The following RAB21 variants were observed in gnomAD, a reference collection of about 807,000 sequenced individuals.
RAB21 encodes RAB21, member RAS oncogene family, also known as ras-related protein Rab-21.
Under a neutral mutation model 33.1 loss-of-function variants are expected in RAB21, and 13 were observed. The observed-to-expected ratio is 0.39, with a 90% CI of 0.26 to 0.62. The LOEUF (loss-of-function observed/expected upper bound fraction) is 0.62, where lower values mean the gene tolerates loss of function less well. Among genes scored for constraint, RAB21 ranks in the 20% least tolerant of loss-of-function variants. RAB21 has a pLI of 0.48. For missense variants in RAB21, 234 were observed against 279.1 expected, an observed-to-expected ratio of 0.84 and a Z score of 1.15; for synonymous variants, 91 against 103.7, an observed-to-expected ratio of 0.88 and a Z score of 0.74.
chr12:71,770,216 G>A (rs989059067), intron 2 of RAB21, among the ~76,000 whole-genome samples: 2 of 152,048 alleles, frequency 1.3e-5, no homozygotes, highest in African/African-American at 4.8e-5. Flanking sequence ...CTTGATGCAC[G>A]TGCCATTTCC....
intron 3 of RAB21, 127 bp downstream of exon 3, chr12:71,770,826 C>T (rs1883032115): frequency 1.6e-6 from 1 of 606,800 alleles, no homozygotes; most frequent in Admixed American, 3.5e-5. Flanking sequence ...TTGTGCATAA[C>T]TGGTGACCAC....
chr12:71,778,110 A>G (rs1883147457), intron 4 of RAB21, among the ~76,000 whole-genome samples: 1 of 152,226 alleles, frequency 6.6e-6, no homozygotes, highest in Non-Finnish European at 1.5e-5. Context: ...ACAGTCTACT[A>G]GCATTTTCAT....
In RAB21 at chr12:71,790,202, A is replaced by G. The variant is rs1883360022; in HGVS notation, c.*4529A>G. ...CATCTTTCTTTAGAAGTCTGCACAT[A>G]TTTTCAAATGCATCATATTAAAGGC... On this transcript the variant is annotated 3_prime_UTR_variant, in exon 7 of 7. Coordinates refer to ENST00000261263, the MANE Select transcript of RAB21 (RefSeq NM_014999.4). 1 of 152,150 alleles carries G rather than the reference A, an allele frequency of 6.6e-6. No individual in the cohort carries two copies. Among genetic ancestry groups the G allele is most frequent in the African/African-American group, 2.4e-5 (1 of 41,432 alleles). 9.4% of individuals were successfully genotyped at this position (152,150 alleles called of 1,614,324 possible). A position where few individuals can be genotyped will look rare whatever the true frequency, so the allele number is the denominator to read the frequency against.
In RAB21 at chr12:71,799,530, A is replaced by G. The variant is rs1883510402; in HGVS notation, c.*13857A>G. 1 of 152,224 alleles carries G rather than the reference A, an allele frequency of 6.6e-6. No individual in the cohort carries two copies. Among genetic ancestry groups the G allele is most frequent in the Middle Eastern group, 3.2e-3 (1 of 316 alleles). The allele number at this position is 152,224 out of a possible 1,614,324, so 9.4% of individuals were successfully genotyped here. A position where few individuals can be genotyped will look rare whatever the true frequency, so the allele number is the denominator to read the frequency against. On this transcript the variant is annotated 3_prime_UTR_variant, in exon 7 of 7. Coordinates refer to ENST00000261263, the MANE Select transcript of RAB21 (RefSeq NM_014999.4). Reference sequence around the variant, plus strand: ...ATGTATGAAGGAAATGAGTTTGTACAACGTTTTTCAATGCAGTATTGTTTG... The same window carrying G: ...ATGTATGAAGGAAATGAGTTTGTACGACGTTTTTCAATGCAGTATTGTTTG...
chr12:71,761,909 T>C (rs763743514), intron 1 of RAB21, among the ~76,000 whole-genome samples: 2 of 152,208 alleles, frequency 1.3e-5, no homozygotes, highest in Non-Finnish European at 2.9e-5. Context: ...GTTTCTTTGT[T>C]TGCATAAAGA....
intron 1 of RAB21, among the ~76,000 whole-genome samples, chr12:71,768,000 C>T (rs1882986778): frequency 6.6e-6 from 1 of 152,100 alleles, no homozygotes; most frequent in African/African-American, 2.4e-5. Context: ...ATTCTTAGCT[C>T]CTATGCTAGC....
At position 71,793,566 on chromosome 12, in the gene RAB21, A is replaced by G. The variant is rs1883417936; in HGVS notation, c.*7893A>G. On this transcript the variant is annotated 3_prime_UTR_variant, in exon 7 of 7. Coordinates refer to ENST00000261263, the MANE Select transcript of RAB21 (RefSeq NM_014999.4). ...CTATCCCATTAGTTGGTTATACACA[A>G]GTTACTTTCATTCTTACTAGTTCAC... 6.6e-6 allele frequency: 1 copy of G among 152,218 alleles called. No individual in the cohort carries two copies. Among genetic ancestry groups the G allele is most frequent in the African/African-American group, 2.4e-5 (1 of 41,454 alleles). 9.4% of individuals were successfully genotyped at this position (152,218 alleles called of 1,614,324 possible).
At chr12:71,784,317 T>A (rs1476469801) in intron 6 of RAB21, among the ~76,000 whole-genome samples, 1 of 152,116 alleles carries the variant, frequency 6.6e-6, no homozygotes, top group African/African-American at 2.4e-5. Flanking sequence ...GTCCAGTTTA[T>A]CTATTTTTCT....
At chr12:71,760,141 T>C (rs1350576625) in intron 1 of RAB21, among the ~76,000 whole-genome samples, 1 of 152,268 alleles carries the variant, frequency 6.6e-6, no homozygotes, top group Non-Finnish European at 1.5e-5. Flanking sequence ...ATGCTGTCTC[T>C]GAGGGGTCAT....
intron 3 of RAB21, among the ~76,000 whole-genome samples, chr12:71,772,411 A>G (rs1292251234): frequency 6.6e-6 from 1 of 152,346 alleles, no homozygotes; most frequent in South Asian, 2.1e-4. Context: ...AGCAGGTTAC[A>G]AGGCCAGCCC....
rs1291718080 is a variant in RAB21, at chr12:71,797,614, T to G, written c.*11941T>G. 7.6e-6 allele frequency: 1 copy of G among 131,844 alleles called. No individual in the cohort carries two copies. Among genetic ancestry groups the G allele is most frequent in the Non-Finnish European group, 1.5e-5 (1 of 65,264 alleles). The allele number at this position is 131,844 out of a possible 1,614,324, so 8.2% of individuals were successfully genotyped here. ...AAAAACTAGATCGCTGATTCCAAAG[T>G]TTCTTTGAGGAAAAAAAAAAAAAAA... On this transcript the variant is annotated 3_prime_UTR_variant, in exon 7 of 7. Coordinates refer to ENST00000261263, the MANE Select transcript of RAB21 (RefSeq NM_014999.4).
Position 71,789,784 on chromosome 12 carries a change from A to G in RAB21, c.*4111A>G, listed in dbSNP as rs1169590607. ...GCTGTTCTGTTATCTGTAATCAACT[A>G]TAACAGAGTAATATATTTGGTGTTC... On this transcript the variant is annotated 3_prime_UTR_variant, in exon 7 of 7. Transcript: ENST00000261263. The G allele has an allele frequency of 1.3e-5, 2 of 152,136 alleles. No homozygotes were observed. The highest frequency in any genetic ancestry group is 2.9e-5 in the Non-Finnish European group (2 of 67,980). 9.4% of individuals were successfully genotyped at this position (152,136 alleles called of 1,614,324 possible).
rs891704454 is a variant in RAB21, at chr12:71,755,068, G to T, written c.-62G>T. 9.7e-7 allele frequency: 1 copy of T among 1,033,388 alleles called. No homozygotes were observed. Among genetic ancestry groups the T allele is most frequent in the Non-Finnish European group, 1.2e-6 (1 of 863,234 alleles). 64.0% of individuals were successfully genotyped at this position (1,033,388 alleles called of 1,614,324 possible). A position where few individuals can be genotyped will look rare whatever the true frequency, so the allele number is the denominator to read the frequency against. On this transcript the variant is annotated 5_prime_UTR_variant, in exon 1 of 7. Coordinates refer to ENST00000261263, the MANE Select transcript of RAB21 (RefSeq NM_014999.4). The stretch of plus-strand genomic sequence containing the variant: ...CTGAGCCGGCCGTGGCTGTGAAGGC[G>T]CTGCCGCGGCTGTCGGGAGGGCGGC...
At chr12:71,765,461 T>C (rs1445907748) in intron 1 of RAB21, among the ~76,000 whole-genome samples, 6 of 152,196 alleles carry the variant, frequency 3.9e-5, no homozygotes, top group Non-Finnish European at 5.9e-5. Flanking sequence ...TTTAATTAGG[T>C]ACCATTTATT....
chr12:71,784,633 G>T lies in RAB21; in HGVS notation c.536-898G>T, dbSNP rs186807033. Among the ~76,000 whole-genome samples the T allele has an allele frequency of 1.3e-3, 193 of 151,692 alleles. 2 individuals carry two copies. Among genetic ancestry groups the T allele is most frequent in the African/African-American group, 4.4e-3 (183 of 41,352 alleles). Reference sequence around the variant, plus strand: ...AAAAATCAAGAGACCATATCTACGGGGTCTATTTCTGGACTGTGTTTTTTT... The same window carrying T: ...AAAAATCAAGAGACCATATCTACGGTGTCTATTTCTGGACTGTGTTTTTTT... On this transcript the variant is annotated intron_variant, in intron 6 of 6. Transcript: ENST00000261263.
chr12:71,799,058 G>C lies in RAB21; in HGVS notation c.*13385G>C, dbSNP rs1271516752. The C allele has an allele frequency of 6.6e-6, 1 of 152,274 alleles. No homozygotes were observed. Among genetic ancestry groups the C allele is most frequent in the African/African-American group, 2.4e-5 (1 of 41,444 alleles). 9.4% of individuals were successfully genotyped at this position (152,274 alleles called of 1,614,324 possible). ...ATGCAGCAGTGATCAAGTGTCTATCGTTCAGCTTCCTGAATATGGATAGGC... is the reference window on the plus strand; with the variant it reads ...ATGCAGCAGTGATCAAGTGTCTATCCTTCAGCTTCCTGAATATGGATAGGC... On this transcript the variant is annotated 3_prime_UTR_variant, in exon 7 of 7. Transcript: ENST00000261263.
At chr12:71,783,446 A>ATG (rs922252703) in intron 6 of RAB21, among the ~76,000 whole-genome samples, 44 of 150,172 alleles carry the variant, frequency 2.9e-4, no homozygotes, top group East Asian at 9.8e-4. Flanking sequence ...GAATATTGAT[A>ATG]TGTGTGTGTG....
chr12:71,764,105 T>C (rs964610986), intron 1 of RAB21, among the ~76,000 whole-genome samples: 1 of 152,202 alleles, frequency 6.6e-6, no homozygotes, highest in African/African-American at 2.4e-5. Context: ...GAATTGGCTA[T>C]TGTTTAATGT....
chr12:71,776,001 C>T (rs1883114245), intron 4 of RAB21, among the ~76,000 whole-genome samples: 1 of 152,138 alleles, frequency 6.6e-6, no homozygotes. Flanking sequence ...ATATTTCAGA[C>T]TGGAACACTG....
Sources: gnomAD v4.1 joint callset for allele counts (sites outside exome capture counted in the v4.1 genomes callset) on GRCh38, gnomAD v4.1.1 for gene constraint, MANE v1.5 for transcripts, NCBI Gene and HGNC (gene_info 2026-07-23, HGNC 2026-07-21) for gene names.